Variants in NELL1 observed in about 807,000 individuals in gnomAD.
NELL1 encodes the protein neural EGFL like 1, also known as protein kinase C-binding protein NELL1.
In NELL1, 76 loss-of-function variants were observed where a neutral mutation model predicts 107.4. That is an observed-to-expected ratio of 0.71 (90% CI 0.59 to 0.86). The LOEUF (loss-of-function observed/expected upper bound fraction) is 0.86, where lower values mean the gene tolerates loss of function less well. Ranked by LOEUF, NELL1 falls within the 40% of genes least tolerant of loss-of-function variation. The pLI is 0.00. For synonymous variants in NELL1, 353 were observed against 341.2 expected (o/e 1.03, Z -0.38); for missense variants, 1,024 against 1,005.5 (o/e 1.02, Z -0.25).
chr11:20,787,371 A>G (rs1237137334), intron 3 of NELL1, among the ~76,000 whole-genome samples: 2 of 152,216 alleles, frequency 1.3e-5, no homozygotes, highest in African/African-American at 4.8e-5. Context: ...TCTATTCATT[A>G]TAACTCTCCT....
chr11:21,090,670 T>G (rs1389188575), intron 12 of NELL1, among the ~76,000 whole-genome samples: 2 of 152,186 alleles, frequency 1.3e-5, no homozygotes, highest in Non-Finnish European at 2.9e-5. Context: ...TGCTTACTTT[T>G]CACTTATTTT....
At chr11:20,731,208 C>T (rs111756508) in intron 2 of NELL1, among the ~76,000 whole-genome samples, 3,984 of 152,282 alleles carry the variant, frequency 0.026, 56 homozygotes, top group Non-Finnish European at 0.04. Flanking sequence ...ATATGGGGCA[C>T]CCAGGGCTTC....
chr11:20,704,592 C>T (rs1854889647), intron 2 of NELL1, among the ~76,000 whole-genome samples: 1 of 152,106 alleles, frequency 6.6e-6, no homozygotes, highest in African/African-American at 2.4e-5. Flanking sequence ...GCAGTTTCTT[C>T]CTAGCCTTGA....
chr11:20,980,014 A>G (rs145495545), intron 12 of NELL1, among the ~76,000 whole-genome samples: 56 of 152,334 alleles, frequency 3.7e-4, no homozygotes, highest in African/African-American at 1.3e-3. Flanking sequence ...TTAGTATTGT[A>G]CATGGTACAT....
chr11:21,378,717 ATTTTT>A (rs11306401), intron 15 of NELL1, among the ~76,000 whole-genome samples: 2 of 136,676 alleles, frequency 1.5e-5, no homozygotes, highest in Non-Finnish European at 1.6e-5. Context: ...ACACTTGTAC[ATTTTT>A]TTTTTTTTTT....
intron 15 of NELL1, among the ~76,000 whole-genome samples, chr11:21,482,278 C>T (rs1383299280): frequency 2.6e-5 from 4 of 152,136 alleles, no homozygotes; most frequent in Non-Finnish European, 5.9e-5. Flanking sequence ...CTCCAACAGA[C>T]CCCACGCTTT....
chr11:21,190,121 G>A (rs1318931100), intron 13 of NELL1, among the ~76,000 whole-genome samples: 1 of 151,762 alleles, frequency 6.6e-6, no homozygotes, highest in African/African-American at 2.4e-5. Context: ...GGGAGGCCGA[G>A]GTGGGTGGAT....
chr11:20,684,634 A>G (rs1854264636), intron 2 of NELL1, among the ~76,000 whole-genome samples: 1 of 152,102 alleles, frequency 6.6e-6, no homozygotes, highest in African/African-American at 2.4e-5. Context: ...ATTTTTGATT[A>G]ATGGCCAGTC....
intron 3 of NELL1, among the ~76,000 whole-genome samples, chr11:20,828,548 G>A (rs1857934427): frequency 6.6e-6 from 1 of 152,124 alleles, no homozygotes; most frequent in South Asian, 2.1e-4. Flanking sequence ...TCTTGTTTGG[G>A]ATCGCTGCAG....
chr11:20,984,252 G>A, intron 12 of NELL1, among the ~76,000 whole-genome samples: 1 of 152,152 alleles, frequency 6.6e-6, no homozygotes, highest in Non-Finnish European at 1.5e-5. Flanking sequence ...TAAACTGTTT[G>A]ATACATATAT....
intron 14 of NELL1, among the ~76,000 whole-genome samples, chr11:21,346,094 A>G (rs1850678120): frequency 6.6e-6 from 1 of 152,182 alleles, no homozygotes; most frequent in Admixed American, 6.5e-5. Flanking sequence ...TTGGTTCCTG[A>G]AACTAAAAAT....
chr11:21,282,352 G>T (rs186264330), intron 14 of NELL1, among the ~76,000 whole-genome samples: 1 of 151,844 alleles, frequency 6.6e-6, no homozygotes, highest in South Asian at 2.1e-4. Context: ...GCTAATTTTT[G>T]TGGTTTTAAT....
chr11:20,993,786 C>T (rs192518952), intron 12 of NELL1, among the ~76,000 whole-genome samples: 13 of 151,510 alleles, frequency 8.6e-5, no homozygotes, highest in African/African-American at 2.9e-4. Context: ...CAGACACAAA[C>T]ATCAATTTTT....
intron 11 of NELL1, among the ~76,000 whole-genome samples, chr11:20,957,457 C>T (rs1851198956): frequency 6.6e-6 from 1 of 152,120 alleles, no homozygotes; most frequent in Non-Finnish European, 1.5e-5. Context: ...AAACCAAAAC[C>T]TCAAATCTCA....
chr11:21,484,711 G>T (rs751072791), intron 15 of NELL1, among the ~76,000 whole-genome samples: 6 of 151,900 alleles, frequency 3.9e-5, no homozygotes, highest in Non-Finnish European at 8.8e-5. Flanking sequence ...GAAATCATTT[G>T]AAATTGTCAA....
At chr11:21,110,749 G>T (rs568577487) in intron 12 of NELL1, among the ~76,000 whole-genome samples, 2 of 152,242 alleles carry the variant, frequency 1.3e-5, no homozygotes, top group African/African-American at 4.8e-5. Context: ...GTTCAGTGTG[G>T]CTGTATCTCT....
chr11:21,467,793 G>A (rs1302320617), intron 15 of NELL1, among the ~76,000 whole-genome samples: 2 of 152,000 alleles, frequency 1.3e-5, no homozygotes, highest in Admixed American at 6.6e-5. Context: ...ATGGTGAACC[G>A]CTGCAATAGG....
chr11:20,965,926 G>A (rs964366338), intron 12 of NELL1, among the ~76,000 whole-genome samples: 3 of 152,020 alleles, frequency 2.0e-5, no homozygotes, highest in African/African-American at 7.2e-5. Context: ...ATTGTGTAGA[G>A]GAAATGGGCT....
intron 12 of NELL1, among the ~76,000 whole-genome samples, chr11:21,045,969 TG>T: frequency 6.6e-6 from 1 of 152,302 alleles, no homozygotes; most frequent in Non-Finnish European, 1.5e-5. Context: ...GCTGCTAATA[TG>T]GTGATTATCT....
Sources: gnomAD v4.1 joint callset for allele counts (sites outside exome capture counted in the v4.1 genomes callset) on GRCh38, gnomAD v4.1.1 for gene constraint, MANE v1.5 for transcripts, NCBI Gene and HGNC (gene_info 2026-07-23, HGNC 2026-07-21) for gene names.